Variants in PDE3A observed in about 807,000 individuals in gnomAD.
The protein encoded by PDE3A is phosphodiesterase 3A, also known as cGMP-inhibited 3',5'-cyclic phosphodiesterase 3A.
PDE3A carries 43 observed loss-of-function variants against 98.3 expected under a neutral mutation model. The ratio of observed to expected loss-of-function variants is 0.44; its 90% CI spans 0.34 to 0.56. PDE3A has a LOEUF of 0.56. Ranked by LOEUF, PDE3A falls within the 20% of genes least tolerant of loss-of-function variation. The probability of loss-of-function intolerance (pLI) is 0.01; values close to 1 mark genes in which losing one functional copy is unlikely to be tolerated. For synonymous variants in PDE3A, 663 were observed against 567.9 expected (o/e 1.17, Z -2.38); for missense variants, 1,427 against 1,440.7 (o/e 0.99, Z 0.15).
rs528794674 is a variant in PDE3A at position 20,460,666 on chromosome 12, GTCT to G, written c.960+90426_960+90428del. 5.1e-4 allele frequency among the ~76,000 whole-genome samples: 77 copies of G among 152,290 alleles called. 1 individual carries two copies. In the East Asian group the frequency reaches 0.014, roughly 28 times the overall value. On this transcript the variant is annotated intron_variant, in intron 1 of 15. Coordinates refer to ENST00000359062, the MANE Select transcript of PDE3A (RefSeq NM_000921.5). The stretch of plus-strand genomic sequence containing the variant: ...TTCATTATGGAAAGTAAACATAGTA[GTCT>G]TCTCAAGATTATTAGCAAATTTTCC...
intron 2 of PDE3A, chr12:20,556,931 G>T: frequency 5.1e-6 from 3 of 586,056 alleles, no homozygotes; most frequent in Non-Finnish European, 9.1e-6. Flanking sequence ...TCCCAGATTG[G>T]TTGTGTTTAT....
intron 6 of PDE3A, among the ~76,000 whole-genome samples, chr12:20,631,733 G>T (rs886462732): frequency 2.1e-5 from 3 of 143,818 alleles, no homozygotes; most frequent in African/African-American, 2.6e-5. Context: ...TTAGCAGGAA[G>T]AATGTAATGG....
chr12:20,401,155 T>C (rs1277717831), intron 1 of PDE3A, among the ~76,000 whole-genome samples: 1 of 152,150 alleles, frequency 6.6e-6, no homozygotes, highest in East Asian at 1.9e-4. Context: ...CTCACTGTCC[T>C]AGTTTATGGC....
chr12:20,672,896 A>G (rs1264746716), intron 15 of PDE3A, among the ~76,000 whole-genome samples: 1 of 142,674 alleles, frequency 7.0e-6, no homozygotes, highest in Non-Finnish European at 1.5e-5. Context: ...AGAAACTACC[A>G]TCAGAGTGAA....
intron 2 of PDE3A, among the ~76,000 whole-genome samples, chr12:20,568,784 T>C (rs758218124): frequency 3.3e-5 from 5 of 152,032 alleles, no homozygotes; most frequent in African/African-American, 4.8e-5. Flanking sequence ...AGATATATAC[T>C]TCATTAAATT....
chr12:20,513,182 A>C (rs1946259643), intron 1 of PDE3A, among the ~76,000 whole-genome samples: 1 of 152,158 alleles, frequency 6.6e-6, no homozygotes, highest in South Asian at 2.1e-4. Flanking sequence ...CCACTGTCAT[A>C]GAATCAAACC....
At chr12:20,647,867 A>G (rs1288621205) in intron 12 of PDE3A, among the ~76,000 whole-genome samples, 2 of 151,958 alleles carry the variant, frequency 1.3e-5, no homozygotes, top group Non-Finnish European at 2.9e-5. Context: ...AGGATAATTT[A>G]CCATTCAGAT....
At chr12:20,386,225 A>ATATAT (rs1943798275) in intron 1 of PDE3A, among the ~76,000 whole-genome samples, 1 of 39,710 alleles carries the variant, frequency 2.5e-5, no homozygotes, top group African/African-American at 8.2e-5. Flanking sequence ...ATATATAAAA[A>ATATAT]ATAAAAATAT....
intron 1 of PDE3A, among the ~76,000 whole-genome samples, chr12:20,470,692 T>C (rs1258600304): frequency 6.6e-6 from 1 of 152,194 alleles, no homozygotes; most frequent in Admixed American, 6.5e-5. Flanking sequence ...ATTATGAATC[T>C]GTATGCACGA....
At chr12:20,593,382 C>T (rs990619123) in intron 2 of PDE3A, among the ~76,000 whole-genome samples, 22 of 152,080 alleles carry the variant, frequency 1.4e-4, no homozygotes, top group African/African-American at 4.6e-4. Flanking sequence ...GAATGTTGTT[C>T]CCTAACTTCG....
chr12:20,378,142 A>T (rs1238654389), intron 1 of PDE3A, among the ~76,000 whole-genome samples: 2 of 151,748 alleles, frequency 1.3e-5, no homozygotes, highest in African/African-American at 4.8e-5. Context: ...TATAGAGCAG[A>T]TTGGAGATTT....
At chr12:20,520,516 A>G (rs761685859) in intron 1 of PDE3A, among the ~76,000 whole-genome samples, 1 of 152,210 alleles carries the variant, frequency 6.6e-6, no homozygotes, top group Non-Finnish European at 1.5e-5. Context: ...ACACATGCAG[A>G]TGCTTAGGAA....
At chr12:20,634,618 A>G (rs1392929238) in intron 7 of PDE3A, among the ~76,000 whole-genome samples, 1 of 152,194 alleles carries the variant, frequency 6.6e-6, no homozygotes, top group African/African-American at 2.4e-5. Flanking sequence ...AAAAAGAAAC[A>G]TAAAGCTGTA....
intron 1 of PDE3A, among the ~76,000 whole-genome samples, chr12:20,450,394 G>A (rs970631098): frequency 6.6e-6 from 1 of 152,128 alleles, no homozygotes; most frequent in Non-Finnish European, 1.5e-5. Flanking sequence ...AAAAGAGACA[G>A]TGCCATATTC....
At chr12:20,464,995 A>G (rs1945315747) in intron 1 of PDE3A, among the ~76,000 whole-genome samples, 1 of 152,236 alleles carries the variant, frequency 6.6e-6, no homozygotes, top group Admixed American at 6.5e-5. Context: ...ATATGAGAAT[A>G]TGAAATTCTA....
intron 1 of PDE3A, among the ~76,000 whole-genome samples, chr12:20,384,452 G>A (rs1943714578): frequency 6.6e-6 from 1 of 151,800 alleles, no homozygotes; most frequent in South Asian, 2.1e-4. Context: ...TAATCAATTT[G>A]TGTCATTCAC....
Position 20,570,397 on chromosome 12 carries a change from G to A in PDE3A, c.1011+13687G>A, listed in dbSNP as rs962976884. On this transcript the variant is annotated intron_variant, in intron 2 of 15. Transcript: ENST00000359062. The stretch of plus-strand genomic sequence containing the variant: ...CACTCCAGCCTGGGCAACAGAATGC[G>A]ACGCTGTCTCAAAAAAAAAAAAAAA... 1.1e-4 allele frequency among the ~76,000 whole-genome samples: 10 copies of A among 92,564 alleles called. No homozygotes were observed. In the Admixed American group the frequency reaches 1.4e-3, roughly 13 times the overall value. 60.7% of individuals were successfully genotyped at this position (92,564 alleles called of 152,430 possible).
At chr12:20,577,381 G>C (rs12319108) in intron 2 of PDE3A, among the ~76,000 whole-genome samples, 1 of 151,912 alleles carries the variant, frequency 6.6e-6, no homozygotes, top group South Asian at 2.1e-4. Flanking sequence ...GAATTCACCC[G>C]GTAGATAATA....
At chr12:20,431,594 A>AACACACACACACAC (rs35221225) in intron 1 of PDE3A, among the ~76,000 whole-genome samples, 16 of 146,774 alleles carry the variant, frequency 1.1e-4, no homozygotes, top group African/African-American at 3.5e-4. Context: ...TAGTCAGGAA[A>AACACACACACACAC]ACACACACAC....
Sources: allele counts gnomAD v4.1 joint callset (sites outside exome capture counted in the v4.1 genomes callset), GRCh38; gene constraint gnomAD v4.1.1; transcripts MANE v1.5; gene names NCBI Gene and HGNC (gene_info 2026-07-23, HGNC 2026-07-21).